SLC4A10: variants seen among roughly 807,000 people sequenced by gnomAD.
The protein encoded by SLC4A10 is sodium-driven chloride bicarbonate exchanger.
In SLC4A10, 42 loss-of-function variants were observed where a neutral mutation model predicts 137.7. The ratio of observed to expected loss-of-function variants is 0.30; its 90% CI spans 0.24 to 0.39. The LOEUF (loss-of-function observed/expected upper bound fraction) is 0.39, where lower values mean the gene tolerates loss of function less well. SLC4A10 is among the 10% of genes least tolerant of loss of function. The pLI, the probability that SLC4A10 is intolerant of heterozygous loss-of-function variation, is 1.00. For synonymous variants in SLC4A10, 474 were observed against 464.1 expected, an observed-to-expected ratio of 1.02 and a Z score of -0.27; for missense variants, 925 against 1,355.0, an observed-to-expected ratio of 0.68 and a Z score of 4.98.
At chr2:161,626,240 T>C (rs945335591) in intron 1 of SLC4A10, among the ~76,000 whole-genome samples, 1 of 152,056 alleles carries the variant, frequency 6.6e-6, no homozygotes, top group Admixed American at 6.6e-5. Flanking sequence ...AAAGCCAGTT[T>C]GATGTGGCTT....
intron 15 of SLC4A10, among the ~76,000 whole-genome samples, chr2:161,939,545 A>G (rs1160924229): frequency 2.0e-5 from 3 of 152,170 alleles, no homozygotes; most frequent in African/African-American, 4.8e-5. Flanking sequence ...TATCAGCCAT[A>G]GGTAACTGTC....
At chr2:161,897,692 T>C (rs1344784106) in intron 11 of SLC4A10, among the ~76,000 whole-genome samples, 4 of 152,140 alleles carry the variant, frequency 2.6e-5, no homozygotes, top group Admixed American at 2.6e-4. Flanking sequence ...ACTATTAAAA[T>C]AAAAAGTTGC....
rs1265001296 is a variant in SLC4A10, at chr2:161,818,594, G to A, written c.277+13999G>A. ...AATGCTTCCAGTTTTTGTCCATTCA[G>A]TATGATATTGGCTGTGGGTTTGTCA... On this transcript the variant is annotated intron_variant, in intron 3 of 26. Transcript: ENST00000446997. Among the ~76,000 whole-genome samples, 3 of 152,136 alleles carry A rather than the reference G, an allele frequency of 2.0e-5. No individual in the cohort carries two copies. The East Asian group carries it at 5.8e-4, about 29-fold the overall frequency.
intron 15 of SLC4A10, among the ~76,000 whole-genome samples, chr2:161,907,536 G>C (rs1431620421): frequency 2.0e-5 from 3 of 152,178 alleles, no homozygotes; most frequent in Non-Finnish European, 4.4e-5. Context: ...AGGGAATGTA[G>C]ATAAACAGAC....
chr2:161,679,147 C>T (rs1376078993), intron 1 of SLC4A10, among the ~76,000 whole-genome samples: 2 of 152,034 alleles, frequency 1.3e-5, no homozygotes, highest in African/African-American at 4.8e-5. Context: ...TTTAGTCATT[C>T]TGGTATTTAG....
At chr2:161,702,466 T>C (rs1168757873) in intron 1 of SLC4A10, among the ~76,000 whole-genome samples, 2 of 151,800 alleles carry the variant, frequency 1.3e-5, no homozygotes, top group Non-Finnish European at 2.9e-5. Context: ...AGAGAATAAG[T>C]TGACACATTA....
intron 1 of SLC4A10, among the ~76,000 whole-genome samples, chr2:161,769,578 T>C (rs1222317227): frequency 1.3e-5 from 2 of 151,958 alleles, no homozygotes; most frequent in East Asian, 1.9e-4. Context: ...TTTCCTTATA[T>C]GTTCCCCTCA....
rs2061602671 is a variant in SLC4A10 at position 161,879,131 on chromosome 2, G to A, written c.949G>A (p.Val317Ile). ...CATATTTACCTGGTGATGCTTGCAG[G>A]TTGATCTGCATTTTATGAAAAAGAT... ...KGPPHQQERE[V>I]DLHFMKKIPP... Residue 317 changes from valine (V) to isoleucine (I), a missense_variant and splice_region_variant, in exon 9 of 27, where the codon GTT (valine) becomes ATT (isoleucine). Val to Ile is a conservative substitution (Grantham distance 29). This residue lies in a region of SLC4A10 where 277 missense variants were observed against 306.1 expected (regional missense o/e 0.90). Coordinates refer to ENST00000446997, the MANE Select transcript of SLC4A10 (RefSeq NM_001178015.2). 1.9e-6 allele frequency: 3 copies of A among 1,612,244 alleles called. 1 individual carries two copies. The highest frequency in any genetic ancestry group is 2.2e-5 in the South Asian group (2 of 90,902).
At chr2:161,725,733 C>A (rs970143399) in intron 1 of SLC4A10, among the ~76,000 whole-genome samples, 8 of 152,164 alleles carry the variant, frequency 5.3e-5, no homozygotes, top group Non-Finnish European at 1.0e-4. Context: ...CCTTTGAAAT[C>A]AATTTTCCTA....
chr2:161,908,931 T>C (rs1480789009), intron 15 of SLC4A10, among the ~76,000 whole-genome samples: 1 of 151,574 alleles, frequency 6.6e-6, no homozygotes, highest in Admixed American at 6.6e-5. Context: ...GTAAGACAAA[T>C]GCTCAAAGGG....
At chr2:161,775,870 T>C (rs1482583899) in intron 2 of SLC4A10, among the ~76,000 whole-genome samples, 1 of 151,892 alleles carries the variant, frequency 6.6e-6, no homozygotes. Flanking sequence ...TTAAATAATA[T>C]GATCTATTAA....
intron 1 of SLC4A10, among the ~76,000 whole-genome samples, chr2:161,727,334 A>G (rs1466376737): frequency 6.6e-6 from 1 of 152,246 alleles, no homozygotes; most frequent in Non-Finnish European, 1.5e-5. Flanking sequence ...CAAATACTTT[A>G]CAGTGTGCTC....
At chr2:161,856,359 A>ACG (rs2060098036) in intron 5 of SLC4A10, among the ~76,000 whole-genome samples, 1 of 1,514 alleles carries the variant, frequency 6.6e-4, no homozygotes, top group Non-Finnish European at 1.4e-3. Flanking sequence ...AAATACTAAA[A>ACG]CACACACACA....
chr2:161,807,727 C>A (rs1387124435), intron 3 of SLC4A10, among the ~76,000 whole-genome samples: 1 of 151,912 alleles, frequency 6.6e-6, no homozygotes, highest in Non-Finnish European at 1.5e-5. Flanking sequence ...TTCTTCATAC[C>A]TTTACTGCCT....
intron 1 of SLC4A10, among the ~76,000 whole-genome samples, chr2:161,660,188 C>G (rs539355191): frequency 6.6e-6 from 1 of 152,304 alleles, no homozygotes; most frequent in East Asian, 1.9e-4. Context: ...CTCAATAAAA[C>G]TGCTAAAAAT....
chr2:161,957,299 T>A, intron 20 of SLC4A10, 59 bp downstream of exon 20: 1 of 1,528,462 alleles, frequency 6.5e-7, no homozygotes, highest in Non-Finnish European at 8.8e-7. Flanking sequence ...TCATTTAAAA[T>A]TTTCATTTGA....
intron 9 of SLC4A10, among the ~76,000 whole-genome samples, chr2:161,882,042 T>C (rs965910783): frequency 6.6e-6 from 1 of 151,804 alleles, no homozygotes; most frequent in Non-Finnish European, 1.5e-5. Flanking sequence ...TTTCCCACTT[T>C]CCTTCTCTAA....
At chr2:161,889,771 G>A (rs957834843) in intron 10 of SLC4A10, among the ~76,000 whole-genome samples, 3 of 151,406 alleles carry the variant, frequency 2.0e-5, no homozygotes, top group African/African-American at 7.3e-5. Flanking sequence ...GTTTTTGTGT[G>A]TGTGTCTCTG....
chr2:161,921,933 T>C (rs1688214958), intron 15 of SLC4A10, among the ~76,000 whole-genome samples: 1 of 152,166 alleles, frequency 6.6e-6, no homozygotes, highest in Non-Finnish European at 1.5e-5. Context: ...ATAAAATAAT[T>C]TCAAATTGTT....
Sources: allele counts gnomAD v4.1 joint callset (sites outside exome capture counted in the v4.1 genomes callset), GRCh38; gene constraint gnomAD v4.1.1; regional missense constraint gnomAD v4.1.1; transcripts MANE v1.5; gene names NCBI Gene and HGNC (gene_info 2026-07-23, HGNC 2026-07-21).